The following GPC6 variants were observed in gnomAD, a reference collection of about 807,000 sequenced individuals.
The protein encoded by GPC6 is glypican-6.
In GPC6, 14 loss-of-function variants were observed where a neutral mutation model predicts 55.2. The observed-to-expected ratio is 0.25, with a 90% CI of 0.17 to 0.40. The LOEUF (loss-of-function observed/expected upper bound fraction) is 0.40, where lower values mean the gene tolerates loss of function less well. Among genes scored for constraint, GPC6 ranks in the 10% least tolerant of loss-of-function variants. The pLI is 1.00. For synonymous variants in GPC6, 278 were observed against 259.6 expected (o/e 1.07, Z -0.68); for missense variants, 641 against 708.5 (o/e 0.90, Z 1.08).
intron 2 of GPC6, among the ~76,000 whole-genome samples, chr13:93,765,307 T>TGTCTGGAAAGACAACTTTCCAGA (rs1885090655): frequency 6.6e-6 from 1 of 152,070 alleles, no homozygotes; most frequent in Non-Finnish European, 1.5e-5. Flanking sequence ...GAAAGACAAC[T>TGTCTGGAAAGACAACTTTCCAGA]TATTTGGTTT....
At chr13:94,338,382 T>A (rs1291576167) in intron 6 of GPC6, among the ~76,000 whole-genome samples, 1 of 152,176 alleles carries the variant, frequency 6.6e-6, no homozygotes, top group Non-Finnish European at 1.5e-5. Context: ...GCCAGCACCA[T>A]CTCTGCAGAG....
intron 4 of GPC6, among the ~76,000 whole-genome samples, chr13:94,239,646 T>A (rs1207689149): frequency 6.6e-6 from 1 of 152,136 alleles, no homozygotes; most frequent in African/African-American, 2.4e-5. Context: ...ATGAAGTCAT[T>A]ATGTGAATTA....
chr13:94,211,878 C>T (rs1243255130), intron 4 of GPC6, among the ~76,000 whole-genome samples: 3 of 152,166 alleles, frequency 2.0e-5, no homozygotes, highest in African/African-American at 7.2e-5. Context: ...TTCTGTGAAA[C>T]ATTGGATGTG....
At chr13:93,828,762 T>C (rs1044498119) in intron 2 of GPC6, among the ~76,000 whole-genome samples, 1 of 152,118 alleles carries the variant, frequency 6.6e-6, no homozygotes, top group Non-Finnish European at 1.5e-5. Context: ...GAAAAGTACT[T>C]TCATTGCTGC....
At chr13:94,295,600 A>G (rs1875290583) in intron 5 of GPC6, among the ~76,000 whole-genome samples, 1 of 152,166 alleles carries the variant, frequency 6.6e-6, no homozygotes, top group African/African-American at 2.4e-5. Context: ...GGGAAGGGGT[A>G]GTGCAGGAGA....
At position 93,788,518 on chromosome 13, in the gene GPC6, T is replaced by TACATACACACAC. The variant is rs1555331546; in HGVS notation, c.320-41633_320-41632insTACACACACACA. ...CCTATTCTGTTCATTGTTCACTCTT[T>TACATACACACAC]ACACACACACACACACACACACACA... On this transcript the variant is annotated intron_variant, in intron 2 of 8. Coordinates refer to ENST00000377047, the MANE Select transcript of GPC6 (RefSeq NM_005708.5). Among the ~76,000 whole-genome samples, 2 of 148,030 alleles carry TACATACACACAC rather than the reference T, an allele frequency of 1.4e-5. 1 individual carries two copies. Among genetic ancestry groups the TACATACACACAC allele is most frequent in the East Asian group, 4.1e-4 (2 of 4,900 alleles).
chr13:94,322,492 G>A (rs950640991), intron 6 of GPC6, among the ~76,000 whole-genome samples: 10 of 152,088 alleles, frequency 6.6e-5, no homozygotes, highest in Non-Finnish European at 1.2e-4. Context: ...AGTGTGTCTC[G>A]TACAACTACT....
chr13:94,366,611 T>C (rs754178075), intron 6 of GPC6, among the ~76,000 whole-genome samples: 4 of 152,236 alleles, frequency 2.6e-5, no homozygotes, highest in Non-Finnish European at 5.9e-5. Flanking sequence ...AATCCAGCAT[T>C]ATGAAGACCG....
At chr13:93,629,044 A>AC (rs910690597) in intron 2 of GPC6, among the ~76,000 whole-genome samples, 5 of 118,976 alleles carry the variant, frequency 4.2e-5, no homozygotes, top group Non-Finnish European at 8.1e-5. Context: ...CAGAAAAAAA[A>AC]AAAACAAAAA....
intron 2 of GPC6, among the ~76,000 whole-genome samples, chr13:93,768,179 G>C (rs1274832456): frequency 6.6e-6 from 1 of 152,170 alleles, no homozygotes; most frequent in African/African-American, 2.4e-5. Flanking sequence ...ACTTGCCTGT[G>C]CCTGGCTGCA....
chr13:94,083,157 T>C (rs962412955), intron 4 of GPC6, among the ~76,000 whole-genome samples: 24 of 152,294 alleles, frequency 1.6e-4, no homozygotes, highest in Non-Finnish European at 2.6e-4. Flanking sequence ...CTCGCTGTGT[T>C]GCCCAGGCTG....
chr13:93,940,015 C>G (rs1878652723), intron 3 of GPC6, among the ~76,000 whole-genome samples: 1 of 152,114 alleles, frequency 6.6e-6, no homozygotes, highest in East Asian at 1.9e-4. Flanking sequence ...ATATGCATAA[C>G]TTATTATGAA....
At chr13:94,072,601 C>G (rs1372756861) in intron 4 of GPC6, among the ~76,000 whole-genome samples, 2 of 152,248 alleles carry the variant, frequency 1.3e-5, no homozygotes, top group Non-Finnish European at 2.9e-5. Flanking sequence ...ATCTGCCCGC[C>G]TCGGCCTCCC....
chr13:93,310,679 T>C (rs1451628977), intron 1 of GPC6, among the ~76,000 whole-genome samples: 1 of 152,218 alleles, frequency 6.6e-6, no homozygotes, highest in Non-Finnish European at 1.5e-5. Flanking sequence ...CCCATGGTTT[T>C]ATTATACCAT....
intron 4 of GPC6, among the ~76,000 whole-genome samples, chr13:94,076,065 T>C (rs930122391): frequency 6.6e-6 from 1 of 152,056 alleles, no homozygotes; most frequent in Non-Finnish European, 1.5e-5. Flanking sequence ...TGTAATATTT[T>C]ACATTCCCAC....
chr13:93,648,909 A>C (rs893660929), intron 2 of GPC6, among the ~76,000 whole-genome samples: 1 of 152,180 alleles, frequency 6.6e-6, no homozygotes, highest in Non-Finnish European at 1.5e-5. Context: ...GGTGTAGTAC[A>C]TTAAGGCTTG....
intron 4 of GPC6, among the ~76,000 whole-genome samples, chr13:94,250,268 T>C (rs574669725): frequency 5.9e-5 from 9 of 151,992 alleles, no homozygotes; most frequent in Non-Finnish European, 1.2e-4. Flanking sequence ...ACACCAGGAG[T>C]CCATCTCTGT....
At chr13:93,330,455 A>C (rs533354093) in intron 1 of GPC6, among the ~76,000 whole-genome samples, 1 of 151,842 alleles carries the variant, frequency 6.6e-6, no homozygotes, top group East Asian at 1.9e-4. Flanking sequence ...CTGAGTGTGG[A>C]GGTTGAGGCT....
intron 6 of GPC6, among the ~76,000 whole-genome samples, chr13:94,378,514 C>G (rs1413221971): frequency 1.3e-5 from 2 of 152,162 alleles, no homozygotes; most frequent in Non-Finnish European, 2.9e-5. Flanking sequence ...AGGATGCCCT[C>G]TCTTCCTAAT....
Sources: gnomAD v4.1 joint callset for allele counts (sites outside exome capture counted in the v4.1 genomes callset) on GRCh38, gnomAD v4.1.1 for gene constraint, MANE v1.5 for transcripts, NCBI Gene and HGNC (gene_info 2026-07-23, HGNC 2026-07-21) for gene names.